The following KLHL36 variants were observed in gnomAD, a reference collection of about 807,000 sequenced individuals.
KLHL36 encodes the protein kelch-like protein 36.
KLHL36 carries 35 observed loss-of-function variants against 53.3 expected under a neutral mutation model. The observed-to-expected ratio is 0.66, with a 90% CI of 0.50 to 0.87. The LOEUF (loss-of-function observed/expected upper bound fraction) is 0.87, where lower values mean the gene tolerates loss of function less well. Ranked by LOEUF, KLHL36 falls within the 40% of genes least tolerant of loss-of-function variation. The pLI is 0.00. For synonymous variants in KLHL36, 472 were observed against 398.9 expected, an observed-to-expected ratio of 1.18 and a Z score of -2.18; for missense variants, 864 against 897.6, an observed-to-expected ratio of 0.96 and a Z score of 0.48.
At chr16:84,651,424 G>T (rs559139671) in intron 2 of KLHL36, among the ~76,000 whole-genome samples, 1 of 152,138 alleles carries the variant, frequency 6.6e-6, no homozygotes, top group African/African-American at 2.4e-5. Context: ...CCAGAGCCAG[G>T]CTACTGGGGG....
rs1907691578 is a variant in KLHL36 at position 84,663,795 on chromosome 16, G to A, written c.*1662G>A. The A allele has an allele frequency of 1.3e-5, 2 of 152,196 alleles. No homozygotes were observed. The highest frequency in any genetic ancestry group is 4.8e-5 in the African/African-American group (2 of 41,414). The allele number at this position is 152,196 out of a possible 1,614,324, so 9.4% of individuals were successfully genotyped here. A position where few individuals can be genotyped will look rare whatever the true frequency, so the allele number is the denominator to read the frequency against. ...CTTTCCCTTCCCTTCAGGGTTTACT[G>A]TGGTTCTCACTGGTCTGTTTATGTA... On this transcript the variant is annotated 3_prime_UTR_variant, in exon 5 of 5. Coordinates refer to ENST00000564996, the MANE Select transcript of KLHL36 (RefSeq NM_024731.4).
intron 2 of KLHL36, among the ~76,000 whole-genome samples, chr16:84,653,226 A>G (rs1216093890): frequency 6.6e-6 from 1 of 152,078 alleles, no homozygotes; most frequent in Non-Finnish European, 1.5e-5. Flanking sequence ...CAAAAAAAAA[A>G]AGTGTTGTTC....
In KLHL36 at chr16:84,663,728, T is replaced by C. The variant is rs1907688864; in HGVS notation, c.*1595T>C. The C allele has an allele frequency of 6.6e-6, 1 of 152,256 alleles. No individual in the cohort carries two copies. The allele number at this position is 152,256 out of a possible 1,614,324, so 9.4% of individuals were successfully genotyped here. On this transcript the variant is annotated 3_prime_UTR_variant, in exon 5 of 5. Coordinates refer to ENST00000564996, the MANE Select transcript of KLHL36 (RefSeq NM_024731.4). Reference sequence around the variant, plus strand: ...TATTAGACTAGGAAAAAAATCTTAGTTAACTTTAATTTCCATTTCTTCTGC... The same window carrying C: ...TATTAGACTAGGAAAAAAATCTTAGCTAACTTTAATTTCCATTTCTTCTGC...
intron 2 of KLHL36, among the ~76,000 whole-genome samples, chr16:84,651,759 A>G (rs1318476762): frequency 1.3e-5 from 2 of 152,200 alleles, no homozygotes; most frequent in East Asian, 1.9e-4. Context: ...TTTTATGCAT[A>G]AGACACAATT....
At position 84,666,390 on chromosome 16, in the gene KLHL36, A is replaced by T. The variant is rs1907836223; in HGVS notation, c.*4257A>T. Reference sequence around the variant, plus strand: ...TAGAATTTCGTGAAGTTGCATGCAAAGTTGCATGCAGCCCGTGGGTATGAC... The same window carrying T: ...TAGAATTTCGTGAAGTTGCATGCAATGTTGCATGCAGCCCGTGGGTATGAC... On this transcript the variant is annotated 3_prime_UTR_variant, in exon 5 of 5. Coordinates refer to ENST00000564996, the MANE Select transcript of KLHL36 (RefSeq NM_024731.4). The T allele has an allele frequency of 6.6e-6, 1 of 152,068 alleles. No individual in the cohort carries two copies. The highest frequency in any genetic ancestry group is 2.4e-5 in the African/African-American group (1 of 41,376). 9.4% of individuals were successfully genotyped at this position (152,068 alleles called of 1,614,324 possible).
chr16:84,661,754 T>G lies in KLHL36; in HGVS notation c.1472T>G (p.Leu491Arg). The change falls in exon 5 of 5, where the codon CTG becomes CGG. Residue 491 changes from leucine to arginine, a missense_variant. Leu to Arg is a moderately radical substitution (Grantham distance 102). Coordinates refer to ENST00000564996, the MANE Select transcript of KLHL36 (RefSeq NM_024731.4). This position sits in a 1 kb window ranked among gnomAD's most constrained non-coding sequence, Gnocchi z 7.9. Reference sequence around the variant, plus strand: ...CGCGGCTGGCACAGCATGTGCAGCCTGGGTGACAGCATCTACTCCATCGGG... The same window carrying G: ...CGCGGCTGGCACAGCATGTGCAGCCGGGGTGACAGCATCTACTCCATCGGG... ...TARGWHSMCSLGDSIYSIGGS... is the reference protein window; with the variant it reads ...TARGWHSMCSRGDSIYSIGGS... 6.2e-7 allele frequency: 1 copy of G among 1,613,378 alleles called. No homozygotes were observed.
At chr16:84,652,108 C>T (rs530333212) in intron 2 of KLHL36, among the ~76,000 whole-genome samples, 20 of 152,284 alleles carry the variant, frequency 1.3e-4, no homozygotes, top group African/African-American at 3.6e-4. Flanking sequence ...TCTCGCCGCT[C>T]GCTCACAAGG....
At chr16:84,653,873 C>T (rs926337180) in intron 2 of KLHL36, among the ~76,000 whole-genome samples, 18 of 150,544 alleles carry the variant, frequency 1.2e-4, no homozygotes, top group African/African-American at 3.7e-4. Flanking sequence ...AACTCGTGTG[C>T]CTGTGTTTTT....
intron 2 of KLHL36, among the ~76,000 whole-genome samples, chr16:84,654,497 T>TA (rs761475897): frequency 2.0e-5 from 3 of 152,128 alleles, no homozygotes; most frequent in Non-Finnish European, 2.9e-5. Flanking sequence ...AAAATAAAAG[T>TA]AAAAAATAGC....
At chr16:84,659,417 A>T (rs1246476942) in intron 3 of KLHL36, 1 of 239,082 alleles carries the variant, frequency 4.2e-6, no homozygotes, top group Non-Finnish European at 8.2e-6. Context: ...TTTTTATTTC[A>T]TAAAGCCACT....
rs758069078 is a variant in KLHL36, at chr16:84,656,899, C to T, written c.92C>T (p.Thr31Met). 1.8e-5 allele frequency: 29 copies of T among 1,611,532 alleles called. No individual in the cohort carries two copies. The East Asian group carries it at 4.0e-4, about 22-fold the overall frequency. Residue 31 changes from threonine to methionine, a missense_variant, in exon 3 of 5, where the codon ACG (threonine) becomes ATG (methionine). Thr to Met is a moderately conservative substitution (Grantham distance 81). Coordinates refer to ENST00000564996, the MANE Select transcript of KLHL36 (RefSeq NM_024731.4). ...TACCGCTGGGCCGACCACTCAAGCA[C>T]GGTGCTGCAGCGGCTGAACGAGCAG... ...KVYRWADHSSTVLQRLNEQRL... is the reference protein window; with the variant it reads ...KVYRWADHSSMVLQRLNEQRL...
At chr16:84,652,617 A>G (rs1032679517) in intron 2 of KLHL36, among the ~76,000 whole-genome samples, 1 of 152,184 alleles carries the variant, frequency 6.6e-6, no homozygotes, top group African/African-American at 2.4e-5. Flanking sequence ...ATTTCTAGAC[A>G]TTAAACACAC....
chr16:84,656,261 TTTTG>T (rs1000874256), intron 2 of KLHL36, among the ~76,000 whole-genome samples: 85 of 150,522 alleles, frequency 5.6e-4, no homozygotes, highest in Middle Eastern at 3.5e-3. Context: ...GTTTGTTTTG[TTTTG>T]TTTGTTTGTT....
rs1358898005 is a variant in KLHL36, at chr16:84,657,687, CA to C, written c.881del (p.Gln294ArgfsTer90). 1 of 1,612,742 alleles carries C rather than the reference CA, an allele frequency of 6.2e-7. No individual in the cohort carries two copies. ...QTKRTALRTNQERLLFVGGEV... is the reference protein window; with the variant it reads ...QTKRTALRTNXERLLFVGGEV... ...CAAGCGCACGGCGCTGCGCACCAAC[CA>C]GGAGCGCCTGCTGTTTGTGGGCGGC... On this transcript the variant is annotated frameshift_variant, in exon 3 of 5. Coordinates refer to ENST00000564996, the MANE Select transcript of KLHL36 (RefSeq NM_024731.4). LOFTEE classifies it high-confidence loss of function.
rs568370630 is a variant in KLHL36, at chr16:84,664,126, A to G, written c.*1993A>G. ...TCGTTTGTCTCATACCTAGTCCCAG[A>G]CCCCCACAAAACATGTTTTGCAGAA... On this transcript the variant is annotated 3_prime_UTR_variant, in exon 5 of 5. Coordinates refer to ENST00000564996, the MANE Select transcript of KLHL36 (RefSeq NM_024731.4). The G allele has an allele frequency of 6.6e-6, 1 of 151,992 alleles. No homozygotes were observed. Among genetic ancestry groups the G allele is most frequent in the Non-Finnish European group, 1.5e-5 (1 of 67,990 alleles). The allele number at this position is 151,992 out of a possible 1,614,324, so 9.4% of individuals were successfully genotyped here.
intron 2 of KLHL36, among the ~76,000 whole-genome samples, chr16:84,653,173 C>T (rs910735484): frequency 6.6e-6 from 1 of 151,864 alleles, no homozygotes; most frequent in African/African-American, 2.4e-5. Context: ...GCTATGATCG[C>T]ACCACTGTAC....
At position 84,657,056 on chromosome 16, in the gene KLHL36, C is replaced by CGAAA. The variant is rs1907248436; in HGVS notation, c.249_250insGAAA (p.Gln84GlufsTer35). ...TCACCATCGGCATGCGGGAAGCTTT[C>CGAAA]CAGAAGGAGGTGGAGCTGATCGGCG... is the stretch of plus-strand genomic sequence containing the variant. On this transcript the variant is annotated frameshift_variant, in exon 3 of 5. Transcript: ENST00000564996. LOFTEE classifies it high-confidence loss of function. 1 of 1,614,072 alleles carries CGAAA rather than the reference C, an allele frequency of 6.2e-7. No individual in the cohort carries two copies. Among genetic ancestry groups the CGAAA allele is most frequent in the South Asian group, 1.1e-5 (1 of 91,084 alleles).
At chr16:84,656,049 C>G (rs887185478) in intron 2 of KLHL36, among the ~76,000 whole-genome samples, 1 of 150,864 alleles carries the variant, frequency 6.6e-6, no homozygotes, top group East Asian at 2.0e-4. Flanking sequence ...AATGCCACCA[C>G]GCCCACCTAA....
rs759515255 is a variant in KLHL36, at chr16:84,659,722, T to C, written c.1138-38T>C. 5 of 1,602,404 alleles carry C rather than the reference T, an allele frequency of 3.1e-6. No homozygotes were observed. The African/African-American group carries it at 5.4e-5, about 17-fold the overall frequency. ...CGCCAGATGTTGATGCTGTCCCGGG[T>C]TCGGGGAAGGGAAGGTACAGGTATC... On this transcript the variant is annotated intron_variant, in intron 3 of 4. Transcript: ENST00000564996.
Sources: gnomAD v4.1 joint callset for allele counts (sites outside exome capture counted in the v4.1 genomes callset) on GRCh38, gnomAD v4.1.1 for gene constraint, Gnocchi (gnomAD v3.1) non-coding constraint, MANE v1.5 for transcripts, NCBI Gene and HGNC (gene_info 2026-07-23, HGNC 2026-07-21) for gene names.